MOB3B: variants seen among roughly 807,000 people sequenced by gnomAD.
MOB3B encodes MOB kinase activator 3B.
MOB3B carries 7 observed loss-of-function variants against 18.7 expected under a neutral mutation model. That is an observed-to-expected ratio of 0.37 (90% CI 0.21 to 0.70). The LOEUF is 0.70. MOB3B is among the 30% of genes least tolerant of loss of function. The probability of loss-of-function intolerance (pLI) is 0.52; values close to 1 mark genes in which losing one functional copy is unlikely to be tolerated. For synonymous variants in MOB3B, 111 were observed against 99.9 expected (o/e 1.11, Z -0.66); for missense variants, 253 against 281.3 (o/e 0.90, Z 0.72).
At chr9:27,426,155 C>T (rs1460756522) in intron 2 of MOB3B, among the ~76,000 whole-genome samples, 6 of 152,120 alleles carry the variant, frequency 3.9e-5, no homozygotes, top group African/African-American at 1.4e-4. Context: ...GACACAGAGA[C>T]TTAGTAAGCC....
chr9:27,364,345 A>G (rs1047303111), intron 2 of MOB3B, among the ~76,000 whole-genome samples: 1 of 150,882 alleles, frequency 6.6e-6, no homozygotes, highest in African/African-American at 2.5e-5. Flanking sequence ...AGTATTCCCC[A>G]TTATGTGTTT....
At chr9:27,510,974 G>A (rs1820133121) in intron 1 of MOB3B, among the ~76,000 whole-genome samples, 2 of 152,188 alleles carry the variant, frequency 1.3e-5, no homozygotes, top group East Asian at 1.9e-4. Context: ...CACACCCTGG[G>A]ATCATATTTG....
chr9:27,408,491 C>G (rs761947789), intron 2 of MOB3B, among the ~76,000 whole-genome samples: 2 of 152,204 alleles, frequency 1.3e-5, no homozygotes. Context: ...TTGGCTTCCT[C>G]TTGGACCTGG....
At chr9:27,466,539 A>T (rs1432075917) in intron 1 of MOB3B, among the ~76,000 whole-genome samples, 1 of 152,076 alleles carries the variant, frequency 6.6e-6, no homozygotes, top group African/African-American at 2.4e-5. Flanking sequence ...ACTGGTACCA[A>T]TTTACTATAT....
chr9:27,358,909 A>G (rs766223801), intron 3 of MOB3B, 125 bp downstream of exon 3: 6 of 1,001,578 alleles, frequency 6.0e-6, no homozygotes, highest in Non-Finnish European at 9.5e-6. Context: ...ACCCCATTCA[A>G]TTCTGCAGCC....
At chr9:27,363,418 G>A (rs10967911) in intron 2 of MOB3B, among the ~76,000 whole-genome samples, 49,903 of 151,664 alleles carry the variant, frequency 0.33, 8,844 homozygotes, top group East Asian at 0.4. Context: ...ACAGGCGCCC[G>A]CCGCCACGCC....
chr9:27,472,397 C>T (rs902882961), intron 1 of MOB3B, among the ~76,000 whole-genome samples: 5 of 152,046 alleles, frequency 3.3e-5, no homozygotes, highest in Admixed American at 1.3e-4. Flanking sequence ...CAGGGCTGAG[C>T]CAAACCCCTG....
rs149062202 is a variant in MOB3B at position 27,472,522 on chromosome 9, C to T, written c.-198-16774G>A. On this transcript the variant is annotated intron_variant, in intron 1 of 3. Transcript: ENST00000262244. ...TCAATACGTCTTGTTAGGTAAGCCTCCAGTGGATTTCCTCTATTTGGTCTA... is the reference window on the plus strand; with the variant it reads ...TCAATACGTCTTGTTAGGTAAGCCTTCAGTGGATTTCCTCTATTTGGTCTA... 4.2e-3 allele frequency among the ~76,000 whole-genome samples: 641 copies of T among 152,058 alleles called. 2 individuals are homozygous for T. The highest frequency in any genetic ancestry group is 0.014 in the African/African-American group (585 of 41,484).
chr9:27,391,671 T>C (rs1203672473), intron 2 of MOB3B: 2 of 152,246 alleles, frequency 1.3e-5, no homozygotes, highest in African/African-American at 4.8e-5. Flanking sequence ...AGCTGGAATT[T>C]ATAGCACAGC....
In MOB3B at chr9:27,384,355, C is replaced by A. The variant is rs116469430; in HGVS notation, c.419-25119G>T. 6.0e-3 allele frequency among the ~76,000 whole-genome samples: 908 copies of A among 152,032 alleles called. 7 individuals carry two copies. Among genetic ancestry groups the A allele is most frequent in the African/African-American group, 0.021 (886 of 41,446 alleles). On this transcript the variant is annotated intron_variant, in intron 2 of 3. Coordinates refer to ENST00000262244, the MANE Select transcript of MOB3B (RefSeq NM_024761.5). ...ACCTGTCTAAAGCTGAGAAACAGAC[C>A]AGAAGCTGACCTCTGATGGCATTTG... is the stretch of plus-strand genomic sequence containing the variant.
chr9:27,506,832 A>ATTTTTTTTTTTTTTTTTT (rs71492749), intron 1 of MOB3B, among the ~76,000 whole-genome samples: 2 of 120,510 alleles, frequency 1.7e-5, no homozygotes, highest in Non-Finnish European at 1.7e-5. Flanking sequence ...ACCCCGGCTA[A>ATTTTTTTTTTTTTTTTTT]TTTTTTTTTT....
chr9:27,376,999 T>A (rs892533379), intron 2 of MOB3B, among the ~76,000 whole-genome samples: 1 of 152,222 alleles, frequency 6.6e-6, no homozygotes, highest in Non-Finnish European at 1.5e-5. Context: ...TCCCATTTAT[T>A]AGCTACACGA....
rs559806304 is a variant in MOB3B, at chr9:27,416,544, A to ATTTTTTT, written c.418+38582_418+38588dup. On this transcript the variant is annotated intron_variant, in intron 2 of 3. Transcript: ENST00000262244. ...GAACCCCTGGAGTAATTTCTTTTTA[A>ATTTTTTT]TTTTTTTTTTTTTTTTTTTTTTTTT... Among the ~76,000 whole-genome samples the ATTTTTTT allele has an allele frequency of 1.2e-3, 142 of 121,392 alleles. 12 individuals carry two copies. The highest frequency in any genetic ancestry group is 4.1e-3 in the South Asian group (13 of 3,136). The allele number at this position is 121,392 out of a possible 152,430, so 79.6% of individuals were successfully genotyped here. A position where few individuals can be genotyped will look rare whatever the true frequency, so the allele number is the denominator to read the frequency against.
intron 3 of MOB3B, among the ~76,000 whole-genome samples, chr9:27,346,152 A>G (rs1462139763): frequency 6.6e-6 from 1 of 152,202 alleles, no homozygotes; most frequent in Non-Finnish European, 1.5e-5. Flanking sequence ...CCATGTGAGA[A>G]TGCAGTGAGA....
intron 1 of MOB3B, among the ~76,000 whole-genome samples, chr9:27,471,658 A>C (rs898525489): frequency 1.3e-5 from 2 of 152,238 alleles, no homozygotes; most frequent in Non-Finnish European, 2.9e-5. Context: ...TGAGAGTTAA[A>C]TTACATTATC....
chr9:27,479,212 A>C (rs1819608334), intron 1 of MOB3B, among the ~76,000 whole-genome samples: 1 of 152,202 alleles, frequency 6.6e-6, no homozygotes, highest in Admixed American at 6.5e-5. Flanking sequence ...TCATGGCAGA[A>C]GGCATCATAT....
chr9:27,517,433 A>C (rs959728985), intron 1 of MOB3B, among the ~76,000 whole-genome samples: 1 of 152,028 alleles, frequency 6.6e-6, no homozygotes, highest in Admixed American at 6.6e-5. Context: ...AGATTACCTG[A>C]GATCAGGAGT....
chr9:27,351,803 T>G (rs1821108433), intron 3 of MOB3B, among the ~76,000 whole-genome samples: 1 of 152,158 alleles, frequency 6.6e-6, no homozygotes, highest in Non-Finnish European at 1.5e-5. Flanking sequence ...CCTGGCTACC[T>G]CTTAGGGCAA....
intron 1 of MOB3B, among the ~76,000 whole-genome samples, chr9:27,518,394 A>C (rs1370705396): frequency 6.6e-6 from 1 of 152,244 alleles, no homozygotes; most frequent in African/African-American, 2.4e-5. Flanking sequence ...CATGCCTGCC[A>C]TCTGAAATTC....
Sources: gnomAD v4.1 joint callset for allele counts (sites outside exome capture counted in the v4.1 genomes callset) on GRCh38, gnomAD v4.1.1 for gene constraint, MANE v1.5 for transcripts, NCBI Gene and HGNC (gene_info 2026-07-23, HGNC 2026-07-21) for gene names.